EPB41L4A: variants seen among roughly 807,000 people sequenced by gnomAD.
EPB41L4A encodes the protein erythrocyte membrane protein band 4.1 like 4A.
A neutral mutation model predicts 108.6 loss-of-function variants in EPB41L4A; 100 were observed. The ratio of observed to expected loss-of-function variants is 0.92; its 90% confidence interval spans 0.78 to 1.09. The LOEUF (loss-of-function observed/expected upper bound fraction) is 1.09, where lower values mean the gene tolerates loss of function less well. Among genes scored for constraint, EPB41L4A ranks in the 50% least tolerant of loss-of-function variants. The probability of loss-of-function intolerance (pLI) is 0.00; values close to 1 mark genes in which losing one functional copy is unlikely to be tolerated. For synonymous variants in EPB41L4A, 319 were observed against 289.0 expected (o/e 1.10, Z -1.05); for missense variants, 1,030 against 842.7 (o/e 1.22, Z -2.75).
intron 1 of EPB41L4A, among the ~76,000 whole-genome samples, chr5:112,336,644 A>G (rs1381457160): frequency 6.6e-6 from 1 of 152,192 alleles, no homozygotes; most frequent in Non-Finnish European, 1.5e-5. Flanking sequence ...TGCAAAACCA[A>G]AAAGTTAGTC....
At chr5:112,352,340 C>T (rs937001252) in intron 1 of EPB41L4A, among the ~76,000 whole-genome samples, 1 of 152,154 alleles carries the variant, frequency 6.6e-6, no homozygotes, top group African/African-American at 2.4e-5. Flanking sequence ...TTTTAAATTT[C>T]CTTCTTAATT....
intron 12 of EPB41L4A, among the ~76,000 whole-genome samples, chr5:112,156,341 C>T (rs766712644): frequency 3.9e-5 from 6 of 152,116 alleles, no homozygotes; most frequent in Non-Finnish European, 5.9e-5. Flanking sequence ...TGCTAAGATG[C>T]TGTCTCTAAG....
chr5:112,257,594 G>C (rs971214839), intron 9 of EPB41L4A, among the ~76,000 whole-genome samples: 4 of 152,268 alleles, frequency 2.6e-5, no homozygotes, highest in African/African-American at 9.6e-5. Context: ...GCTTAGCTGG[G>C]ACTTTGCCAA....
At chr5:112,231,678 G>A (rs112156990) in intron 12 of EPB41L4A, among the ~76,000 whole-genome samples, 4 of 149,162 alleles carry the variant, frequency 2.7e-5, no homozygotes, top group South Asian at 2.1e-4. Context: ...CCAGCTACTC[G>A]GGAGGCTGAG....
chr5:112,266,418 A>C (rs1751861915), intron 4 of EPB41L4A, 88 bp from the exon 5 acceptor site: 1 of 808,106 alleles, frequency 1.2e-6, no homozygotes, highest in Non-Finnish European at 1.9e-6. Context: ...GTTAACAACC[A>C]ATCACCTTCA....
chr5:112,338,358 C>A, intron 1 of EPB41L4A, among the ~76,000 whole-genome samples: 1 of 152,082 alleles, frequency 6.6e-6, no homozygotes, highest in Non-Finnish European at 1.5e-5. Flanking sequence ...CTGGTGACCC[C>A]CCTACCAACT....
rs535009028 is a variant in EPB41L4A, at chr5:112,344,006, C to T, written c.100-36516G>A. 1.1e-4 allele frequency among the ~76,000 whole-genome samples: 17 copies of T among 152,226 alleles called. No homozygotes were observed. In the East Asian group the frequency reaches 2.5e-3, roughly 22 times the overall value. On this transcript the variant is annotated intron_variant, in intron 1 of 22. Transcript: ENST00000261486. ...AGGATTTCAAGTCTGTAGTATGCTA[C>T]GATTGTGCCTGTGAATAGTCACTGT...
rs73788245 is a variant in EPB41L4A, at chr5:112,279,741, C to A, written c.256+531G>T. Among the ~76,000 whole-genome samples, 6 of 152,130 alleles carry A rather than the reference C, an allele frequency of 3.9e-5. 1 individual carries two copies. Among genetic ancestry groups the A allele is most frequent in the African/African-American group, 1.4e-4 (6 of 41,506 alleles). ...TATATACTTAATTATATTGCATCTCCTTATAATATTTGTATTGATAAAACC... is the reference window on the plus strand; with the variant it reads ...TATATACTTAATTATATTGCATCTCATTATAATATTTGTATTGATAAAACC... On this transcript the variant is annotated intron_variant, in intron 3 of 22. Transcript: ENST00000261486.
intron 1 of EPB41L4A, among the ~76,000 whole-genome samples, chr5:112,357,158 A>T (rs1319183255): frequency 6.6e-6 from 1 of 152,214 alleles, no homozygotes; most frequent in Non-Finnish European, 1.5e-5. Flanking sequence ...ATCACAGCAC[A>T]AACCTCTGAG....
At chr5:112,270,711 C>CA (rs1752206833) in intron 4 of EPB41L4A, among the ~76,000 whole-genome samples, 1 of 152,070 alleles carries the variant, frequency 6.6e-6, no homozygotes, top group Non-Finnish European at 1.5e-5. Context: ...GACAGGGACT[C>CA]AGGAAGTAAG....
At chr5:112,319,582 T>C (rs535160859) in intron 1 of EPB41L4A, among the ~76,000 whole-genome samples, 167 of 152,128 alleles carry the variant, frequency 1.1e-3, no homozygotes, top group African/African-American at 3.3e-3. Flanking sequence ...TGCTAAAAAA[T>C]AGATAAGATG....
At chr5:112,237,080 C>T (rs78726239) in intron 11 of EPB41L4A, among the ~76,000 whole-genome samples, 1,648 of 152,266 alleles carry the variant, frequency 0.011, 23 homozygotes, top group African/African-American at 0.038. Flanking sequence ...TTCTACACAA[C>T]TCATTAATCA....
intron 1 of EPB41L4A, among the ~76,000 whole-genome samples, chr5:112,415,393 C>G (rs1431952695): frequency 6.6e-6 from 1 of 152,088 alleles, no homozygotes; most frequent in East Asian, 1.9e-4. Context: ...TTAGTTTAGT[C>G]AATACTCATA....
intron 1 of EPB41L4A, among the ~76,000 whole-genome samples, chr5:112,402,801 C>T (rs1223078391): frequency 2.6e-5 from 4 of 152,122 alleles, no homozygotes; most frequent in Non-Finnish European, 4.4e-5. Flanking sequence ...TGAATACATA[C>T]CTGTTTTCAG....
intron 1 of EPB41L4A, among the ~76,000 whole-genome samples, chr5:112,328,570 G>A (rs1006726828): frequency 6.6e-6 from 1 of 152,160 alleles, no homozygotes; most frequent in East Asian, 1.9e-4. Context: ...AACCAGAGTG[G>A]AGGCTAGAAC....
chr5:112,261,495 T>C (rs1751478683), intron 7 of EPB41L4A, among the ~76,000 whole-genome samples: 2 of 152,230 alleles, frequency 1.3e-5, no homozygotes, highest in Admixed American at 6.5e-5. Context: ...AATTTAACTA[T>C]TGCTATCCAC....
In EPB41L4A at chr5:112,194,640, C is replaced by T. The variant is rs752217121; in HGVS notation, c.1430G>A (p.Arg477His). 2.1e-5 allele frequency: 33 copies of T among 1,597,966 alleles called. No individual in the cohort carries two copies. Among genetic ancestry groups the T allele is most frequent in the Non-Finnish European group, 2.6e-5 (31 of 1,173,780 alleles). ...DSDLKQRRRSRSRCNTSSGSE... is the reference protein window; with the variant it reads ...DSDLKQRRRSHSRCNTSSGSE... ...ACCACTGCTGGTGTTACAGCGTGAA[C>T]GTGACCTGAAGACAAAAAGGTAAGA... is the stretch of plus-strand genomic sequence containing the variant. The change falls in exon 17 of 23, where the codon CGT (arginine) becomes CAT (histidine). Residue 477 changes from arginine to histidine, a missense_variant. Physicochemically the swap from Arg to His is conservative, Grantham distance 29. Transcript: ENST00000261486.
At chr5:112,384,991 T>A (rs181102712) in intron 1 of EPB41L4A, among the ~76,000 whole-genome samples, 2 of 152,318 alleles carry the variant, frequency 1.3e-5, no homozygotes, top group East Asian at 3.9e-4. Flanking sequence ...CAGAGGCCCA[T>A]GGCCCCACTT....
intron 1 of EPB41L4A, among the ~76,000 whole-genome samples, chr5:112,365,903 G>A (rs903778327): frequency 2.0e-5 from 3 of 152,154 alleles, no homozygotes; most frequent in Admixed American, 2.0e-4. Context: ...AATGATCAGC[G>A]CAAGGATCTC....
Sources: gnomAD v4.1 joint callset for allele counts (sites outside exome capture counted in the v4.1 genomes callset) on GRCh38, gnomAD v4.1.1 for gene constraint, MANE v1.5 for transcripts, NCBI Gene and HGNC (gene_info 2026-07-23, HGNC 2026-07-21) for gene names.